PCBP3: variants seen among roughly 807,000 people sequenced by gnomAD.
PCBP3 encodes poly(rC)-binding protein 3.
PCBP3 carries 25 observed loss-of-function variants against 52.7 expected under a neutral mutation model. The ratio of observed to expected loss-of-function variants is 0.47; its 90% CI spans 0.35 to 0.66. The LOEUF (loss-of-function observed/expected upper bound fraction) is 0.66. PCBP3 is among the 30% of genes least tolerant of loss of function. The pLI, the probability that PCBP3 is intolerant of heterozygous loss-of-function variation, is 0.01. For synonymous variants in PCBP3, 162 were observed against 183.0 expected, an observed-to-expected ratio of 0.89 and a Z score of 0.93; for missense variants, 391 against 490.3, an observed-to-expected ratio of 0.80 and a Z score of 1.91.
intron 4 of PCBP3, among the ~76,000 whole-genome samples, chr21:45,826,150 C>T (rs543388940): frequency 1.3e-5 from 2 of 151,608 alleles, no homozygotes; most frequent in African/African-American, 4.8e-5. Context: ...CCCAGCTACT[C>T]GGGAGGCTGA....
Position 45,896,377 on chromosome 21 carries a change from C to T in PCBP3, c.165+15C>T. On this transcript the variant is annotated intron_variant, in intron 6 of 17. Transcript: ENST00000681687. ...TGCATGGAAAGGTAAGAGGAGCCGC[C>T]ATTGTCTCTGTAGGAAAGGCGGCCG... 1 of 1,551,222 alleles carries T rather than the reference C, an allele frequency of 6.4e-7. No individual in the cohort carries two copies. Among genetic ancestry groups the T allele is most frequent in the Non-Finnish European group, 8.7e-7 (1 of 1,146,620 alleles).
rs562660543 is a variant in PCBP3 at position 45,891,495 on chromosome 21, G to A, written c.11-4713G>A. Reference sequence around the variant, plus strand: ...AAGCCAGACACAAAAGAATACTTACGACATGATTCCCTTTGTGTCGACTTC... The same window carrying A: ...AAGCCAGACACAAAAGAATACTTACAACATGATTCCCTTTGTGTCGACTTC... On this transcript the variant is annotated intron_variant, in intron 5 of 17. Transcript: ENST00000681687. Among the ~76,000 whole-genome samples, 5 of 152,284 alleles carry A rather than the reference G, an allele frequency of 3.3e-5. No individual in the cohort carries two copies. In the East Asian group the frequency reaches 9.7e-4, roughly 29 times the overall value.
chr21:45,816,618 C>T (rs1430424232), intron 4 of PCBP3, among the ~76,000 whole-genome samples: 1 of 149,558 alleles, frequency 6.7e-6, no homozygotes, highest in Non-Finnish European at 1.5e-5. Flanking sequence ...CTTCCACCTC[C>T]ACGCCTTGTC....
chr21:45,751,062 G>A (rs1488514151), intron 3 of PCBP3: 1 of 152,116 alleles, frequency 6.6e-6, no homozygotes, highest in Non-Finnish European at 1.5e-5. Flanking sequence ...TCTCTTCCCA[G>A]CTCTGTGTTT....
intron 4 of PCBP3, among the ~76,000 whole-genome samples, chr21:45,777,186 G>C (rs993101821): frequency 6.6e-6 from 1 of 152,084 alleles, no homozygotes; most frequent in Non-Finnish European, 1.5e-5. Flanking sequence ...AGTCTTCTTG[G>C]ATGGCAGGTT....
intron 4 of PCBP3, among the ~76,000 whole-genome samples, chr21:45,786,831 C>T (rs1291102186): frequency 6.6e-6 from 1 of 152,182 alleles, no homozygotes; most frequent in Non-Finnish European, 1.5e-5. Context: ...GAATAATAGT[C>T]ATTAAAATGC....
intron 16 of PCBP3, among the ~76,000 whole-genome samples, chr21:45,936,584 C>T (rs188791564): frequency 6.6e-6 from 1 of 152,302 alleles, no homozygotes; most frequent in Admixed American, 6.5e-5. Context: ...TTTCCCCAAC[C>T]CTTTCCCTCA....
chr21:45,776,264 A>G (rs2090245787), intron 4 of PCBP3, among the ~76,000 whole-genome samples: 1 of 152,154 alleles, frequency 6.6e-6, no homozygotes, highest in Non-Finnish European at 1.5e-5. Flanking sequence ...GCTGATGAAA[A>G]TGAATATTCT....
chr21:45,696,403 G>A (rs544666504), intron 2 of PCBP3, among the ~76,000 whole-genome samples: 1 of 151,922 alleles, frequency 6.6e-6, no homozygotes, highest in Non-Finnish European at 1.5e-5. Context: ...TGTGAAAAAC[G>A]GCATGCACCA....
Position 45,802,232 on chromosome 21 carries a change from G to A in PCBP3, c.-126+46780G>A, listed in dbSNP as rs986348805. 6.6e-6 allele frequency among the ~76,000 whole-genome samples: 1 copy of A among 152,224 alleles called. No homozygotes were observed. Among genetic ancestry groups the A allele is most frequent in the African/African-American group, 2.4e-5 (1 of 41,464 alleles). ...TGTTTCTGCCCTGTCATGCAAGTGG[G>A]CTGGGTGCAGAGGCTCACAGCTGGG... is the stretch of plus-strand genomic sequence containing the variant. On this transcript the variant is annotated intron_variant, in intron 4 of 17. Coordinates refer to ENST00000681687, the MANE Select transcript of PCBP3 (RefSeq NM_001384156.1). The surrounding 1 kb of genome is among the most constrained non-coding windows in gnomAD (Gnocchi z 5.1).
intron 1 of PCBP3, among the ~76,000 whole-genome samples, chr21:45,647,643 T>C (rs530868912): frequency 2.0e-5 from 3 of 152,172 alleles, no homozygotes; most frequent in Admixed American, 2.0e-4. Flanking sequence ...TGTAGTGGTG[T>C]GGAGGCTGGA....
intron 2 of PCBP3, among the ~76,000 whole-genome samples, chr21:45,671,886 C>T (rs542975652): frequency 6.6e-6 from 1 of 152,176 alleles, no homozygotes; most frequent in Admixed American, 6.5e-5. Flanking sequence ...GATTCTTTCA[C>T]CTTCTATTCT....
intron 5 of PCBP3, among the ~76,000 whole-genome samples, chr21:45,877,047 A>G (rs750506141): frequency 3.9e-5 from 6 of 152,218 alleles, no homozygotes; most frequent in African/African-American, 1.2e-4. Flanking sequence ...TCTCTATGTT[A>G]ATATCCAAAC....
chr21:45,933,280 G>T (rs1317425859), intron 15 of PCBP3, among the ~76,000 whole-genome samples: 1 of 145,278 alleles, frequency 6.9e-6, no homozygotes, highest in Non-Finnish European at 1.5e-5. Context: ...TCTCCTGAGA[G>T]GGATGAACAC....
At chr21:45,767,521 C>G (rs995976503) in intron 4 of PCBP3, among the ~76,000 whole-genome samples, 1 of 152,184 alleles carries the variant, frequency 6.6e-6, no homozygotes, top group South Asian at 2.1e-4. Flanking sequence ...TTTTGTTTGA[C>G]ACCTCTTTTC....
intron 4 of PCBP3, among the ~76,000 whole-genome samples, chr21:45,809,476 T>C (rs2092614242): frequency 6.6e-6 from 1 of 152,102 alleles, no homozygotes; most frequent in African/African-American, 2.4e-5. Context: ...AGGAAGGGGC[T>C]CACTGGGGCT....
At chr21:45,667,075 GTTCTTTCTTTCTTTCT>G (rs138226209) in intron 1 of PCBP3, among the ~76,000 whole-genome samples, 82 of 147,668 alleles carry the variant, frequency 5.6e-4, no homozygotes, top group Middle Eastern at 3.5e-3. Context: ...GCATCTGTTT[GTTCTTTCTTTCTTTCT>G]TTCTTTCTTT....
At chr21:45,905,658 A>C (rs984550412) in intron 9 of PCBP3, among the ~76,000 whole-genome samples, 30 of 152,316 alleles carry the variant, frequency 2.0e-4, no homozygotes, top group Non-Finnish European at 2.8e-4. Flanking sequence ...TTTGGCTTGC[A>C]GATGCCGTCT....
intron 17 of PCBP3, among the ~76,000 whole-genome samples, chr21:45,941,282 C>T (rs2077442718): frequency 6.6e-6 from 1 of 152,306 alleles, no homozygotes; most frequent in South Asian, 2.1e-4. Context: ...CACTGGGACC[C>T]GTGCTTGGGG....
Sources: allele counts gnomAD v4.1 joint callset (sites outside exome capture counted in the v4.1 genomes callset), GRCh38; gene constraint gnomAD v4.1.1; non-coding constraint Gnocchi (gnomAD v3.1); transcripts MANE v1.5; gene names NCBI Gene and HGNC (gene_info 2026-07-23, HGNC 2026-07-21).